The following TRPS1 variants were observed in gnomAD, a reference collection of about 807,000 sequenced individuals.
The protein encoded by TRPS1 is transcriptional repressor GATA binding 1.
TRPS1 carries 6 observed loss-of-function variants against 101.2 expected under a neutral mutation model. The observed-to-expected ratio is 0.06, with a 90% CI of 0.03 to 0.12. The LOEUF (loss-of-function observed/expected upper bound fraction) is 0.12. TRPS1 is among the 10% of genes least tolerant of loss of function. The probability of loss-of-function intolerance (pLI) is 1.00; values close to 1 mark genes in which losing one functional copy is unlikely to be tolerated. For synonymous variants in TRPS1, 578 were observed against 589.8 expected, an observed-to-expected ratio of 0.98 and a Z score of 0.29; for missense variants, 1,363 against 1,567.0, an observed-to-expected ratio of 0.87 and a Z score of 2.20.
intron 5 of TRPS1, among the ~76,000 whole-genome samples, chr8:115,576,829 A>G (rs1258945925): frequency 1.3e-5 from 2 of 152,114 alleles, no homozygotes; most frequent in African/African-American, 2.4e-5. Flanking sequence ...GATTTTAAAA[A>G]CTCAAAAACA....
chr8:115,460,034 A>G (rs755508661), intron 5 of TRPS1, among the ~76,000 whole-genome samples: 33 of 152,194 alleles, frequency 2.2e-4, no homozygotes, highest in Non-Finnish European at 4.1e-4. Flanking sequence ...ACTGCTCATT[A>G]AAGATTAATT....
intron 2 of TRPS1, among the ~76,000 whole-genome samples, chr8:115,622,085 G>A (rs546240095): frequency 1.1e-4 from 16 of 152,248 alleles, no homozygotes; most frequent in African/African-American, 3.9e-4. Flanking sequence ...TGGCGTTGAG[G>A]CAATGTAAAC....
intron 5 of TRPS1, among the ~76,000 whole-genome samples, chr8:115,570,484 A>G (rs941976458): frequency 6.6e-6 from 1 of 152,120 alleles, no homozygotes; most frequent in African/African-American, 2.4e-5. Context: ...GATTAGCAGT[A>G]TAACAGGGCC....
intron 5 of TRPS1, among the ~76,000 whole-genome samples, chr8:115,435,439 A>G (rs1186867686): frequency 1.3e-5 from 2 of 152,162 alleles, no homozygotes; most frequent in Non-Finnish European, 2.9e-5. Flanking sequence ...AAGACTCCCC[A>G]TGAGGCACAT....
At chr8:115,515,459 C>T (rs1815686543) in intron 5 of TRPS1, among the ~76,000 whole-genome samples, 1 of 151,408 alleles carries the variant, frequency 6.6e-6, no homozygotes, top group Non-Finnish European at 1.5e-5. Flanking sequence ...TGGCATGTAG[C>T]ATTAATAAAA....
intron 5 of TRPS1, among the ~76,000 whole-genome samples, chr8:115,437,026 T>C (rs1207109868): frequency 1.3e-5 from 2 of 152,298 alleles, no homozygotes; most frequent in South Asian, 2.1e-4. Context: ...CTTTTATAAG[T>C]AGAGCATTGG....
At chr8:115,650,587 C>T (rs926678280) in intron 1 of TRPS1, among the ~76,000 whole-genome samples, 1 of 151,970 alleles carries the variant, frequency 6.6e-6, no homozygotes, top group African/African-American at 2.4e-5. Context: ...TAAAATAATT[C>T]TTTTAAGTTA....
chr8:115,494,653 T>C (rs1335832897), intron 5 of TRPS1, among the ~76,000 whole-genome samples: 7 of 152,210 alleles, frequency 4.6e-5, no homozygotes, highest in Non-Finnish European at 1.0e-4. Context: ...TTTTTCTCTC[T>C]TTCTCTCTCA....
chr8:115,503,021 T>C (rs1815355461), intron 5 of TRPS1, among the ~76,000 whole-genome samples: 2 of 152,038 alleles, frequency 1.3e-5, no homozygotes, highest in Non-Finnish European at 2.9e-5. Context: ...CCCAGCACTT[T>C]GGGAGGCTGA....
chr8:115,548,581 G>C (rs1438450345), intron 5 of TRPS1, among the ~76,000 whole-genome samples: 3 of 152,074 alleles, frequency 2.0e-5, no homozygotes, highest in African/African-American at 7.2e-5. Context: ...CACTGTGCCT[G>C]GCCAACAACA....
At chr8:115,557,034 A>C (rs775751706) in intron 5 of TRPS1, among the ~76,000 whole-genome samples, 2 of 152,146 alleles carry the variant, frequency 1.3e-5, no homozygotes, top group Admixed American at 1.3e-4. Flanking sequence ...CTCACAATCA[A>C]GGTGGAAGGC....
At chr8:115,576,800 T>C (rs1817329744) in intron 5 of TRPS1, among the ~76,000 whole-genome samples, 1 of 152,144 alleles carries the variant, frequency 6.6e-6, no homozygotes, top group African/African-American at 2.4e-5. Flanking sequence ...TAATCACATG[T>C]GAATTTGAGG....
chr8:115,455,412 A>G (rs1262002889), intron 5 of TRPS1, among the ~76,000 whole-genome samples: 1 of 152,216 alleles, frequency 6.6e-6, no homozygotes, highest in Non-Finnish European at 1.5e-5. Context: ...GTTTGTCTAC[A>G]TGATTTCTGT....
At chr8:115,485,750 G>C (rs957184868) in intron 5 of TRPS1, among the ~76,000 whole-genome samples, 1 of 152,182 alleles carries the variant, frequency 6.6e-6, no homozygotes, top group African/African-American at 2.4e-5. Flanking sequence ...GTTACAATCT[G>C]AGTCATCAGA....
intron 5 of TRPS1, among the ~76,000 whole-genome samples, chr8:115,472,053 C>T (rs749630809): frequency 5.3e-5 from 8 of 152,126 alleles, no homozygotes; most frequent in Non-Finnish European, 1.0e-4. Flanking sequence ...GTCTAGAGGA[C>T]GATGGCCTTT....
intron 5 of TRPS1, among the ~76,000 whole-genome samples, chr8:115,472,764 A>G (rs1814504485): frequency 6.6e-6 from 1 of 152,126 alleles, no homozygotes; most frequent in African/African-American, 2.4e-5. Flanking sequence ...CTGCTTAGAA[A>G]TTTCTTCCAC....
intron 4 of TRPS1, among the ~76,000 whole-genome samples, chr8:115,600,335 C>T (rs1266254784): frequency 6.6e-6 from 1 of 152,032 alleles, no homozygotes; most frequent in Non-Finnish European, 1.5e-5. Context: ...GGTGAATTTT[C>T]GTAATAGTGA....
At chr8:115,506,966 A>G (rs934677662) in intron 5 of TRPS1, among the ~76,000 whole-genome samples, 1 of 152,150 alleles carries the variant, frequency 6.6e-6, no homozygotes, top group Non-Finnish European at 1.5e-5. Context: ...AGTTTTTAAA[A>G]CTATATTTTA....
intron 5 of TRPS1, among the ~76,000 whole-genome samples, chr8:115,487,909 T>C (rs1400094473): frequency 6.6e-6 from 1 of 152,198 alleles, no homozygotes; most frequent in African/African-American, 2.4e-5. Context: ...GAGGTAGGGT[T>C]TGAGAGGGTT....
Sources: gnomAD v4.1 joint callset for allele counts (sites outside exome capture counted in the v4.1 genomes callset) on GRCh38, gnomAD v4.1.1 for gene constraint, MANE v1.5 for transcripts, NCBI Gene and HGNC (gene_info 2026-07-23, HGNC 2026-07-21) for gene names.